Variants in TPT1 observed in about 807,000 individuals in gnomAD.
TPT1 encodes the protein translationally-controlled tumor protein.
TPT1 carries 5 observed loss-of-function variants against 22.8 expected under a neutral mutation model. The ratio of observed to expected loss-of-function variants is 0.22; its 90% CI spans 0.11 to 0.46. The LOEUF is 0.46. Ranked by LOEUF, TPT1 falls within the 20% of genes least tolerant of loss-of-function variation. The pLI, the probability that TPT1 is intolerant of heterozygous loss-of-function variation, is 0.99. For synonymous variants in TPT1, 89 were observed against 73.6 expected, an observed-to-expected ratio of 1.21 and a Z score of -1.07; for missense variants, 130 against 218.7, an observed-to-expected ratio of 0.59 and a Z score of 2.56.
chr13:45,337,549 G>C (rs560463573), intron 5 of TPT1, 161 bp from the exon 6 acceptor site: 17 of 1,611,150 alleles, frequency 1.1e-5, no homozygotes, highest in Non-Finnish European at 1.4e-5. Flanking sequence ...TCTTTCTTTT[G>C]CATCCTAGTG....
At chr13:45,337,943 A>G (rs772706988) in intron 5 of TPT1, among the ~76,000 whole-genome samples, 6 of 152,114 alleles carry the variant, frequency 3.9e-5, no homozygotes, top group Non-Finnish European at 7.3e-5. Context: ...AGTCAGCTCT[A>G]TTTACTAAGC....
At chr13:45,339,775 C>T (rs1470825787) in intron 3 of TPT1, 173 bp from the exon 4 acceptor site, 3 of 760,130 alleles carry the variant, frequency 3.9e-6, no homozygotes, top group Non-Finnish European at 6.2e-6. Context: ...TTCTTGTTGA[C>T]TATTTTCAAA....
In TPT1 at chr13:45,340,066, A is replaced by T. The variant is rs1321023422; in HGVS notation, c.221T>A (p.Met74Lys). ...STVITGVDIV[M>K]NHHLQETSFT... ...ACTTGTTTCCTGCAGGTGATGGTTC[A>T]TGACAATATCGACACCAGTGATTAC... The change falls in exon 3 of 6, where the codon ATG becomes AAG. Residue 74 changes from methionine to lysine, a missense_variant. Met to Lys is a moderately conservative substitution (Grantham distance 95). Coordinates refer to ENST00000530705, the MANE Select transcript of TPT1 (RefSeq NM_003295.4). The T allele has an allele frequency of 6.2e-7, 1 of 1,614,218 alleles. No homozygotes were observed. Among genetic ancestry groups the T allele is most frequent in the Non-Finnish European group, 8.5e-7 (1 of 1,180,038 alleles).
Position 45,337,347 on chromosome 13 carries a change from T to C in TPT1, c.*39A>G. The stretch of plus-strand genomic sequence containing the variant: ...GTGGATGACAAGCAGAAGCCAGTTA[T>C]GATGACAGGTGATAGATCCAAAATA... On this transcript the variant is annotated 3_prime_UTR_variant, in exon 6 of 6. Coordinates refer to ENST00000530705, the MANE Select transcript of TPT1 (RefSeq NM_003295.4). 4 of 1,607,038 alleles carry C rather than the reference T, an allele frequency of 2.5e-6. No homozygotes were observed. The highest frequency in any genetic ancestry group is 3.4e-6 in the Non-Finnish European group (4 of 1,173,902).
intron 2 of TPT1, chr13:45,340,432 G>A (rs1186075146): frequency 6.7e-6 from 5 of 743,630 alleles, no homozygotes; most frequent in Middle Eastern, 4.5e-4. Context: ...TGATGCCTCC[G>A]GTTGGTAAGT....
At chr13:45,339,956 A>G in intron 3 of TPT1, 38 bp downstream of exon 3, 1 of 1,606,342 alleles carries the variant, frequency 6.2e-7, no homozygotes. Context: ...ATCCTGTAAG[A>G]TTCTAGACAT....
At chr13:45,337,836 A>G (rs987982227) in intron 5 of TPT1, among the ~76,000 whole-genome samples, 1 of 152,232 alleles carries the variant, frequency 6.6e-6, no homozygotes, top group Non-Finnish European at 1.5e-5. Flanking sequence ...AACTAGGATA[A>G]TGAATGCCTT....
Position 45,336,896 on chromosome 13 carries a change from C to T in TPT1, c.*490G>A, listed in dbSNP as rs1878739390. On this transcript the variant is annotated 3_prime_UTR_variant, in exon 6 of 6. Transcript: ENST00000530705. The stretch of plus-strand genomic sequence containing the variant: ...TCCACTGAATGAGTCTCTTTTTATT[C>T]TCTTGGTAATCTCTTCCAGTTAACT... 6.4e-6 allele frequency: 1 copy of T among 155,258 alleles called. No homozygotes were observed. Among genetic ancestry groups the T allele is most frequent in the African/African-American group, 2.4e-5 (1 of 41,474 alleles). The allele number at this position is 155,258 out of a possible 1,614,324, so 9.6% of individuals were successfully genotyped here.
At chr13:45,339,376 G>A (rs1878926406) in intron 4 of TPT1, 121 bp downstream of exon 4, 1 of 739,014 alleles carries the variant, frequency 1.4e-6, no homozygotes, top group African/African-American at 1.8e-5. Flanking sequence ...ACACCTGCGA[G>A]CTGGGAAAGC....
At position 45,340,781 on chromosome 13, in the gene TPT1, A is replaced by G; in HGVS notation, c.33T>C (p.Asp11=). 1 of 1,515,016 alleles carries G rather than the reference A, an allele frequency of 6.6e-7. No individual in the cohort carries two copies. Among genetic ancestry groups the G allele is most frequent in the Non-Finnish European group, 8.8e-7 (1 of 1,132,642 alleles). The allele number at this position is 1,515,016 out of a possible 1,614,324, so 93.8% of individuals were successfully genotyped here. Residue 11 remains aspartate (D), a synonymous_variant, in exon 2 of 6, where the codon GAT becomes GAC. Transcript: ENST00000530705. MIIYRDLISH[D]EMFSDIYKIR... ...TCTTGTAGATGTCGGAGAACATCTC[A>G]TCGTCTGCCGGATACACAGAGCCGC... is the stretch of plus-strand genomic sequence containing the variant.
In TPT1 at chr13:45,337,061, C is replaced by G. The variant is rs1028585278; in HGVS notation, c.*325G>C. ...TATATTCCAGTCCCAGAAGTAGTCT[C>G]CACTGTAGAAGTTAATTGATGAGTA... is the stretch of plus-strand genomic sequence containing the variant. On this transcript the variant is annotated 3_prime_UTR_variant, in exon 6 of 6. Transcript: ENST00000530705. The G allele has an allele frequency of 3.0e-5, 11 of 367,180 alleles. No homozygotes were observed. Among genetic ancestry groups the G allele is most frequent in the Non-Finnish European group, 5.0e-6 (1 of 200,330 alleles). 22.7% of individuals were successfully genotyped at this position (367,180 alleles called of 1,614,324 possible). A position where few individuals can be genotyped will look rare whatever the true frequency, so the allele number is the denominator to read the frequency against.
At chr13:45,338,987 A>C in intron 4 of TPT1, 2 of 454,874 alleles carry the variant, frequency 4.4e-6, no homozygotes, top group Non-Finnish European at 7.7e-6. Flanking sequence ...GTACAGAGCA[A>C]TCCAGGAACA....
intron 3 of TPT1, 97 bp from the exon 4 acceptor site, chr13:45,339,699 GA>G: frequency 3.5e-6 from 4 of 1,145,798 alleles, no homozygotes; most frequent in Non-Finnish European, 3.7e-6. Context: ...AGAAAACACT[GA>G]AAAAGGCAAC....
Position 45,337,315 on chromosome 13 carries a change from G to A in TPT1, c.*71C>T. On this transcript the variant is annotated 3_prime_UTR_variant, in exon 6 of 6. Transcript: ENST00000530705. ...TCAGTCCCATTTGTCTTAAGTCCTG[G>A]TGTTGTGTGGATGACAAGCAGAAGC... 1 of 1,426,472 alleles carries A rather than the reference G, an allele frequency of 7.0e-7. No individual in the cohort carries two copies. Among genetic ancestry groups the A allele is most frequent in the Non-Finnish European group, 9.9e-7 (1 of 1,010,588 alleles). 88.4% of individuals were successfully genotyped at this position (1,426,472 alleles called of 1,614,324 possible).
At chr13:45,338,998 C>T (rs1878901926) in intron 4 of TPT1, 2 of 433,690 alleles carry the variant, frequency 4.6e-6, no homozygotes, top group Admixed American at 4.1e-5. Flanking sequence ...TCCAGGAACA[C>T]TAGGCTTTCA....
chr13:45,339,712 A>G (rs1878952754), intron 3 of TPT1, 110 bp from the exon 4 acceptor site: 1 of 999,014 alleles, frequency 1.0e-6, no homozygotes, highest in Non-Finnish European at 1.5e-6. Context: ...AAAGGCAACC[A>G]GCTGTTAAGA....
Position 45,337,049 on chromosome 13 carries a change from CAGA to C in TPT1, c.*334_*336del, listed in dbSNP as rs1878747998. The C allele has an allele frequency of 6.5e-6, 2 of 309,842 alleles. No individual in the cohort carries two copies. Among genetic ancestry groups the C allele is most frequent in the Non-Finnish European group, 1.2e-5 (2 of 166,274 alleles). 19.2% of individuals were successfully genotyped at this position (309,842 alleles called of 1,614,324 possible). On this transcript the variant is annotated 3_prime_UTR_variant, in exon 6 of 6. Coordinates refer to ENST00000530705, the MANE Select transcript of TPT1 (RefSeq NM_003295.4). ...TTGATTCTTTTTTATATTCCAGTCC[CAGA>C]AGTAGTCTCCACTGTAGAAGTTAAT... is the stretch of plus-strand genomic sequence containing the variant.
At chr13:45,340,646 G>C (rs530427916) in intron 2 of TPT1, 66 bp downstream of exon 2, 5 of 1,517,242 alleles carry the variant, frequency 3.3e-6, no homozygotes, top group Admixed American at 4.0e-5. Flanking sequence ...ACCTCAGGCG[G>C]GGGAGCGGAG....
At position 45,333,740 on chromosome 13, in the gene TPT1, T is replaced by A. The variant is rs551991017; in HGVS notation, c.*3646A>T. 1 of 152,124 alleles carries A rather than the reference T, an allele frequency of 6.6e-6. No individual in the cohort carries two copies. Among genetic ancestry groups the A allele is most frequent in the East Asian group, 1.9e-4 (1 of 5,182 alleles). The allele number at this position is 152,124 out of a possible 1,614,324, so 9.4% of individuals were successfully genotyped here. A position where few individuals can be genotyped will look rare whatever the true frequency, so the allele number is the denominator to read the frequency against. ...TTTCATGCCTGCGACTGTTAGTCTCTTGAGTGCATTTTAATTAGACTTCCT... is the reference window on the plus strand; with the variant it reads ...TTTCATGCCTGCGACTGTTAGTCTCATGAGTGCATTTTAATTAGACTTCCT... On this transcript the variant is annotated 3_prime_UTR_variant, in exon 6 of 6. Transcript: ENST00000530705.
Sources: gnomAD v4.1 joint callset for allele counts (sites outside exome capture counted in the v4.1 genomes callset) on GRCh38, gnomAD v4.1.1 for gene constraint, MANE v1.5 for transcripts, NCBI Gene and HGNC (gene_info 2026-07-23, HGNC 2026-07-21) for gene names.